Variants in TERB2 observed in about 807,000 individuals in gnomAD.
TERB2 encodes telomere repeats-binding bouquet formation protein 2.
A neutral mutation model predicts 29.8 loss-of-function variants in TERB2; 26 were observed. The observed-to-expected ratio is 0.87, with a 90% CI of 0.64 to 1.21. The LOEUF (loss-of-function observed/expected upper bound fraction) is 1.21. Ranked by LOEUF, TERB2 falls within the 50% of genes most tolerant of loss-of-function variation. The pLI is 0.00. For missense variants in TERB2, 240 were observed against 268.6 expected (o/e 0.89, Z 0.74); for synonymous variants, 80 against 90.8 (o/e 0.88, Z 0.68).
intron 3 of TERB2, among the ~76,000 whole-genome samples, chr15:44,959,566 C>G (rs1410466030): frequency 6.6e-6 from 1 of 152,138 alleles, no homozygotes. Context: ...TGGGGTTTCA[C>G]CAAGTTGGCC....
At chr15:44,958,906 C>A (rs1595474420) in intron 3 of TERB2, among the ~76,000 whole-genome samples, 1 of 152,040 alleles carries the variant, frequency 6.6e-6, no homozygotes, top group East Asian at 1.9e-4. Flanking sequence ...AGGCCGGGTG[C>A]GGTAGGGCGT....
chr15:44,971,410 ATCGAT>A (rs886623574), intron 5 of TERB2, among the ~76,000 whole-genome samples: 15 of 152,178 alleles, frequency 9.9e-5, no homozygotes, highest in African/African-American at 3.4e-4. Context: ...GGATATTTTA[ATCGAT>A]TCTCTCTTGG....
intron 2 of TERB2, 40 bp from the exon 3 acceptor site, chr15:44,958,329 CTTGT>C (rs1386999682): frequency 1.3e-6 from 2 of 1,554,174 alleles, no homozygotes; most frequent in Non-Finnish European, 1.7e-6. Context: ...TAAATACATT[CTTGT>C]TTCTTTCATA....
chr15:44,965,384 A>G (rs2141241498), intron 4 of TERB2, among the ~76,000 whole-genome samples: 2 of 146,004 alleles, frequency 1.4e-5, no homozygotes. Context: ...GAGAAATATA[A>G]TTTGTTCAGC....
intron 2 of TERB2, among the ~76,000 whole-genome samples, chr15:44,957,754 T>C (rs1280099511): frequency 6.6e-6 from 1 of 152,100 alleles, no homozygotes; most frequent in African/African-American, 2.4e-5. Context: ...AGATTTCGTT[T>C]ACAAACCAGA....
chr15:44,957,074 C>T (rs1212579637), intron 2 of TERB2, 97 bp downstream of exon 2: 5 of 1,294,322 alleles, frequency 3.9e-6, no homozygotes, highest in Non-Finnish European at 4.3e-6. Flanking sequence ...TGAGGCTGGG[C>T]GCGGTGGCGG....
At chr15:44,965,598 T>C (rs1401075226) in intron 4 of TERB2, among the ~76,000 whole-genome samples, 2 of 144,716 alleles carry the variant, frequency 1.4e-5, no homozygotes, top group African/African-American at 5.0e-5. Context: ...CATATAGATT[T>C]ATATATTTAA....
Position 44,956,730 on chromosome 15 carries a change from G to A in TERB2, c.12G>A (p.Gly4=). The A allele has an allele frequency of 1.2e-6, 2 of 1,610,936 alleles. No homozygotes were observed. The highest frequency in any genetic ancestry group is 1.7e-6 in the Non-Finnish European group (2 of 1,178,782). MFQ[G]QRGWFCGSVS... The stretch of plus-strand genomic sequence containing the variant: ...GGCTTGGCGACGCCATGTTTCAAGG[G>A]CAGCGCGGTTGGTTTTGCGGCAGCG... Residue 4 remains glycine, a synonymous_variant, in exon 1 of 7, where the codon GGG becomes GGA. Transcript: ENST00000340827.
intron 4 of TERB2, among the ~76,000 whole-genome samples, chr15:44,963,227 C>T (rs985717854): frequency 1.3e-5 from 2 of 152,144 alleles, no homozygotes; most frequent in Non-Finnish European, 2.9e-5. Flanking sequence ...TACAATGGAG[C>T]GATCTGGCAG....
chr15:44,978,670 ATAT>A lies in TERB2; in HGVS notation c.*46_*48del. 1 of 1,530,442 alleles carries A rather than the reference ATAT, an allele frequency of 6.5e-7. No individual in the cohort carries two copies. Among genetic ancestry groups the A allele is most frequent in the South Asian group, 1.3e-5 (1 of 75,504 alleles). 94.8% of individuals were successfully genotyped at this position (1,530,442 alleles called of 1,614,324 possible). ...TACCTTGGCATTTATTTTCTATAAA[ATAT>A]TATACAGATGTGCATATCATAAAAT... is the stretch of plus-strand genomic sequence containing the variant. On this transcript the variant is annotated 3_prime_UTR_variant, in exon 7 of 7. Coordinates refer to ENST00000340827, the MANE Select transcript of TERB2 (RefSeq NM_152448.3).
At chr15:44,958,276 T>C (rs1891750771) in intron 2 of TERB2, 97 bp from the exon 3 acceptor site, 1 of 1,387,954 alleles carries the variant, frequency 7.2e-7, no homozygotes, top group Non-Finnish European at 9.7e-7. Flanking sequence ...TTCAATGTAA[T>C]CGTCTCCCTA....
At chr15:44,965,113 A>C (rs1188560140) in intron 4 of TERB2, among the ~76,000 whole-genome samples, 4 of 131,456 alleles carry the variant, frequency 3.0e-5, no homozygotes, top group African/African-American at 1.1e-4. Flanking sequence ...CAGTGAGCCG[A>C]GATTTTGCCA....
At chr15:44,973,687 T>C in intron 5 of TERB2, 180 bp from the exon 6 acceptor site, 1 of 360,688 alleles carries the variant, frequency 2.8e-6, no homozygotes, top group Non-Finnish European at 4.0e-6. Flanking sequence ...ATATATTGCC[T>C]GGAATAAGTT....
At chr15:44,964,166 G>A (rs1333114795) in intron 4 of TERB2, among the ~76,000 whole-genome samples, 1 of 152,062 alleles carries the variant, frequency 6.6e-6, no homozygotes, top group Non-Finnish European at 1.5e-5. Context: ...CAAAGAGTTA[G>A]GGAGAAAATC....
rs1252684896 is a variant in TERB2, at chr15:44,960,780, T to G, written c.287-743T>G. On this transcript the variant is annotated intron_variant, in intron 3 of 6. Transcript: ENST00000340827. Reference sequence around the variant, plus strand: ...TGGACAGCAAAAGTCTAGAGTAATATTACCTTTTTTGTCCTTTTGACTACT... The same window carrying G: ...TGGACAGCAAAAGTCTAGAGTAATAGTACCTTTTTTGTCCTTTTGACTACT... 3.9e-5 allele frequency among the ~76,000 whole-genome samples: 6 copies of G among 152,170 alleles called. No individual in the cohort carries two copies. In the East Asian group the frequency reaches 1.2e-3, roughly 29 times the overall value.
chr15:44,958,608 G>A, intron 3 of TERB2, 96 bp downstream of exon 3: 1 of 1,324,722 alleles, frequency 7.5e-7, no homozygotes, highest in Non-Finnish European at 1.0e-6. Context: ...TTTGTTCTCA[G>A]TCACATATTT....
At chr15:44,971,981 CT>C (rs71111900) in intron 5 of TERB2, among the ~76,000 whole-genome samples, 1,370 of 66,384 alleles carry the variant, frequency 0.021, 8 homozygotes, top group African/African-American at 0.05. Context: ...GAAATAGAAG[CT>C]TTTTTTTTTT....
chr15:44,972,076 G>A (rs1196484917), intron 5 of TERB2, among the ~76,000 whole-genome samples: 4 of 129,724 alleles, frequency 3.1e-5, no homozygotes, highest in South Asian at 2.8e-4. Context: ...TGCAACCTCC[G>A]CCTCCCAGGT....
At chr15:44,957,921 T>G (rs1156838821) in intron 2 of TERB2, among the ~76,000 whole-genome samples, 1 of 151,682 alleles carries the variant, frequency 6.6e-6, no homozygotes, top group Non-Finnish European at 1.5e-5. Context: ...ACTGCCATTA[T>G]TGTTCATGCA....
Sources: allele counts gnomAD v4.1 joint callset (sites outside exome capture counted in the v4.1 genomes callset), GRCh38; gene constraint gnomAD v4.1.1; transcripts MANE v1.5; gene names NCBI Gene and HGNC (gene_info 2026-07-23, HGNC 2026-07-21).